The following MEF2C variants were observed in gnomAD, a reference collection of about 807,000 sequenced individuals.
MEF2C encodes myocyte-specific enhancer factor 2C.
MEF2C carries 6 observed loss-of-function variants against 50.5 expected under a neutral mutation model. The observed-to-expected ratio is 0.12, with a 90% confidence interval of 0.07 to 0.23. The LOEUF (loss-of-function observed/expected upper bound fraction) is 0.23. MEF2C is among the 10% of genes least tolerant of loss of function. The probability of loss-of-function intolerance (pLI) is 1.00; values close to 1 mark genes in which losing one functional copy is unlikely to be tolerated. For synonymous variants in MEF2C, 183 were observed against 228.0 expected (o/e 0.80, Z 1.78); for missense variants, 276 against 605.0 (o/e 0.46, Z 5.70).
At chr5:88,832,366 A>G (rs1318210081) in intron 1 of MEF2C, among the ~76,000 whole-genome samples, 2 of 151,920 alleles carry the variant, frequency 1.3e-5, no homozygotes, top group African/African-American at 4.8e-5. Flanking sequence ...TTAACATTTG[A>G]AATTATCTCT....
chr5:88,843,812 T>G (rs200869440), intron 1 of MEF2C, among the ~76,000 whole-genome samples: 3 of 150,824 alleles, frequency 2.0e-5, no homozygotes, highest in African/African-American at 7.3e-5. Context: ...AAACTTTTTT[T>G]TTTTTTTTTT....
chr5:88,742,570 T>C (rs1767337737), intron 6 of MEF2C: 1 of 983,202 alleles, frequency 1.0e-6, no homozygotes, highest in South Asian at 4.7e-5. Context: ...AACAAAGGGC[T>C]CTAAAATCTG....
chr5:88,818,579 A>G (rs534695439), intron 2 of MEF2C, among the ~76,000 whole-genome samples: 54 of 152,136 alleles, frequency 3.5e-4, no homozygotes, highest in African/African-American at 1.3e-3. Flanking sequence ...AACAGGTCCC[A>G]CAAGCATAAC....
At chr5:88,782,470 A>T (rs1280905425) in intron 3 of MEF2C, among the ~76,000 whole-genome samples, 2 of 152,082 alleles carry the variant, frequency 1.3e-5, no homozygotes, top group Admixed American at 1.3e-4. Flanking sequence ...ATCTCAAAAA[A>T]AAAAAAAATA....
At chr5:88,783,752 C>G (rs1397169542) in intron 3 of MEF2C, among the ~76,000 whole-genome samples, 2 of 152,210 alleles carry the variant, frequency 1.3e-5, no homozygotes, top group Non-Finnish European at 2.9e-5. Flanking sequence ...TATGTTGCCT[C>G]CCTCTAAATA....
At chr5:88,817,619 A>G (rs1279824878) in intron 2 of MEF2C, among the ~76,000 whole-genome samples, 1 of 152,002 alleles carries the variant, frequency 6.6e-6, no homozygotes, top group Non-Finnish European at 1.5e-5. Flanking sequence ...TATTGCACTG[A>G]TAATTACATG....
chr5:88,808,537 G>T (rs1278275504), intron 2 of MEF2C, among the ~76,000 whole-genome samples: 2 of 152,140 alleles, frequency 1.3e-5, no homozygotes, highest in African/African-American at 2.4e-5. Context: ...ACCCATCAAA[G>T]AAGTCAGTGC....
chr5:88,805,823 CTTTTTTTTTT>C (rs869224140), intron 2 of MEF2C, among the ~76,000 whole-genome samples: 4 of 61,554 alleles, frequency 6.5e-5, no homozygotes, highest in Admixed American at 2.2e-4. Flanking sequence ...CGTGAACATT[CTTTTTTTTTT>C]TTTTTTTTTT....
At chr5:88,808,875 A>G (rs1801603764) in intron 2 of MEF2C, among the ~76,000 whole-genome samples, 1 of 152,064 alleles carries the variant, frequency 6.6e-6, no homozygotes, top group Non-Finnish European at 1.5e-5. Context: ...TCTTAACTTG[A>G]TAATAGTTTG....
At chr5:88,870,912 T>C (rs1829311488) in intron 1 of MEF2C, among the ~76,000 whole-genome samples, 2 of 152,092 alleles carry the variant, frequency 1.3e-5, no homozygotes, top group Admixed American at 6.6e-5. Context: ...GTGCCAAAGA[T>C]GCCACAATTC....
At chr5:88,840,666 C>T (rs1216690084) in intron 1 of MEF2C, among the ~76,000 whole-genome samples, 1 of 152,038 alleles carries the variant, frequency 6.6e-6, no homozygotes, top group African/African-American at 2.4e-5. Flanking sequence ...GACTTCTGAC[C>T]ACTTCTCTAG....
intron 2 of MEF2C, 85 bp downstream of exon 2, chr5:88,823,650 A>T: frequency 7.9e-7 from 1 of 1,272,146 alleles, no homozygotes; most frequent in Non-Finnish European, 1.1e-6. Context: ...ATATTTACAG[A>T]TTCAAGATAT....
intron 3 of MEF2C, among the ~76,000 whole-genome samples, chr5:88,783,009 C>G (rs2152892476): frequency 6.6e-6 from 1 of 152,232 alleles, no homozygotes; most frequent in South Asian, 2.1e-4. Flanking sequence ...TCTTGTGACT[C>G]TTTGCATACT....
At position 88,719,463 on chromosome 5, in the gene MEF2C, A is replaced by G. The variant is rs1353207236; in HGVS notation, c.*3141T>C. On this transcript the variant is annotated 3_prime_UTR_variant, in exon 11 of 11. Coordinates refer to ENST00000504921, the MANE Select transcript of MEF2C (RefSeq NM_002397.5). ...CATATTACCAAAAATCTTTTAAAAT[A>G]GGATTAGATATAACAATACTCGCAG... 6.6e-6 allele frequency: 1 copy of G among 152,262 alleles called. No individual in the cohort carries two copies. The highest frequency in any genetic ancestry group is 1.5e-5 in the Non-Finnish European group (1 of 68,038). The allele number at this position is 152,262 out of a possible 1,614,324, so 9.4% of individuals were successfully genotyped here. A position where few individuals can be genotyped will look rare whatever the true frequency, so the allele number is the denominator to read the frequency against.
intron 1 of MEF2C, among the ~76,000 whole-genome samples, chr5:88,897,161 TA>T (rs1255389774): frequency 3.3e-5 from 5 of 152,220 alleles, no homozygotes; most frequent in Non-Finnish European, 7.3e-5. Flanking sequence ...CTTCTATGAT[TA>T]TTTTTTGTTA....
At chr5:88,771,037 T>C (rs1782164311) in intron 3 of MEF2C, among the ~76,000 whole-genome samples, 1 of 152,246 alleles carries the variant, frequency 6.6e-6, no homozygotes. Flanking sequence ...ATGTCCTACA[T>C]GGCGGCAGGC....
At chr5:88,855,684 A>G (rs1330435879) in intron 1 of MEF2C, among the ~76,000 whole-genome samples, 5 of 152,310 alleles carry the variant, frequency 3.3e-5, no homozygotes, top group South Asian at 2.1e-4. Flanking sequence ...TGATGGTTTT[A>G]TAAGTGGCTT....
At chr5:88,788,367 AT>A (rs1159271041) in intron 3 of MEF2C, among the ~76,000 whole-genome samples, 360 of 142,518 alleles carry the variant, frequency 2.5e-3, no homozygotes, top group African/African-American at 2.1e-3. Flanking sequence ...CGCCTGGCTA[AT>A]TTTTTTTTTT....
chr5:88,867,885 C>G (rs901074413), intron 1 of MEF2C, among the ~76,000 whole-genome samples: 3 of 152,158 alleles, frequency 2.0e-5, no homozygotes, highest in African/African-American at 7.2e-5. Context: ...GAGTGGAGAG[C>G]CTTCTGGTCA....
Sources: gnomAD v4.1 joint callset for allele counts (sites outside exome capture counted in the v4.1 genomes callset) on GRCh38, gnomAD v4.1.1 for gene constraint, MANE v1.5 for transcripts, NCBI Gene and HGNC (gene_info 2026-07-23, HGNC 2026-07-21) for gene names.